The following ARHGAP15 variants were observed in gnomAD, a reference collection of about 807,000 sequenced individuals.
ARHGAP15 encodes the protein Rho GTPase activating protein 15.
Under a neutral mutation model 63.7 loss-of-function variants are expected in ARHGAP15, and 51 were observed. The observed-to-expected ratio is 0.80, with a 90% CI of 0.64 to 1.01. The LOEUF (loss-of-function observed/expected upper bound fraction) is 1.01, where lower values mean the gene tolerates loss of function less well. Ranked by LOEUF, ARHGAP15 falls within the 50% of genes least tolerant of loss-of-function variation. ARHGAP15 has a pLI of 0.00. For missense variants in ARHGAP15, 560 were observed against 564.6 expected (o/e 0.99, Z 0.08); for synonymous variants, 191 against 193.8 (o/e 0.99, Z 0.12).
chr2:143,278,023 A>AT (rs1681649097), intron 6 of ARHGAP15, among the ~76,000 whole-genome samples: 1 of 152,142 alleles, frequency 6.6e-6, no homozygotes, highest in African/African-American at 2.4e-5. Flanking sequence ...TTACATTTAT[A>AT]TTTTTTAAAA....
chr2:143,190,721 G>T (rs1334778008), intron 2 of ARHGAP15, among the ~76,000 whole-genome samples: 1 of 152,180 alleles, frequency 6.6e-6, no homozygotes, highest in East Asian at 1.9e-4. Flanking sequence ...ATGGTACCAG[G>T]CACTACCAAG....
intron 6 of ARHGAP15, among the ~76,000 whole-genome samples, chr2:143,333,786 A>G (rs887273741): frequency 6.6e-6 from 1 of 152,188 alleles, no homozygotes; most frequent in Non-Finnish European, 1.5e-5. Context: ...AAATATAGAT[A>G]TAGAAGAAAC....
At chr2:143,165,644 T>A (rs1186447062) in intron 2 of ARHGAP15, among the ~76,000 whole-genome samples, 2 of 152,044 alleles carry the variant, frequency 1.3e-5, no homozygotes, top group Non-Finnish European at 2.9e-5. Context: ...TAATCAGCAG[T>A]GAAAGGTTAA....
intron 12 of ARHGAP15, chr2:143,641,030 C>T: frequency 6.6e-6 from 1 of 152,164 alleles, no homozygotes; most frequent in East Asian, 1.9e-4. Flanking sequence ...CAACCATCAT[C>T]ATGAAGTTTG....
intron 6 of ARHGAP15, among the ~76,000 whole-genome samples, chr2:143,342,158 T>C (rs549322902): frequency 1.3e-5 from 2 of 152,174 alleles, no homozygotes; most frequent in Admixed American, 1.3e-4. Context: ...GATAGAAAAT[T>C]ATGATGATTT....
intron 1 of ARHGAP15, among the ~76,000 whole-genome samples, chr2:143,144,988 A>G (rs2104994127): frequency 6.6e-6 from 1 of 152,186 alleles, no homozygotes; most frequent in South Asian, 2.1e-4. Context: ...CAAATATGCA[A>G]TTTCTCAGCC....
intron 12 of ARHGAP15, chr2:143,648,750 C>G (rs1191648289): frequency 6.6e-6 from 1 of 151,948 alleles, no homozygotes; most frequent in Non-Finnish European, 1.5e-5. Context: ...TCACCACGCC[C>G]TGTAGTCACA....
intron 6 of ARHGAP15, among the ~76,000 whole-genome samples, chr2:143,379,605 C>T (rs1044267605): frequency 6.6e-6 from 1 of 150,738 alleles, no homozygotes; most frequent in African/African-American, 2.4e-5. Flanking sequence ...GAAAAAGAAT[C>T]TGAAGTTTCT....
At chr2:143,450,088 G>A (rs1317507791) in intron 8 of ARHGAP15, among the ~76,000 whole-genome samples, 1 of 138,528 alleles carries the variant, frequency 7.2e-6, no homozygotes, top group Non-Finnish European at 1.5e-5. Flanking sequence ...TGTTATTGAG[G>A]TTTCATAATT....
chr2:143,614,968 T>G (rs1334003406), intron 11 of ARHGAP15, among the ~76,000 whole-genome samples: 1 of 152,236 alleles, frequency 6.6e-6, no homozygotes, highest in Non-Finnish European at 1.5e-5. Context: ...AACAAGAAGT[T>G]GTTGCACAGG....
intron 2 of ARHGAP15, among the ~76,000 whole-genome samples, chr2:143,163,173 CA>C (rs1223273542): frequency 2.0e-5 from 3 of 152,038 alleles, no homozygotes; most frequent in South Asian, 4.1e-4. Context: ...GCAAGTGAAG[CA>C]GAGAACTGAA....
intron 11 of ARHGAP15, chr2:143,572,008 C>T (rs1369652399): frequency 1.3e-5 from 2 of 152,254 alleles, no homozygotes; most frequent in African/African-American, 2.4e-5. Flanking sequence ...CTGCTTCTTC[C>T]ACTGTGTTCC....
At chr2:143,567,628 C>G (rs1207561391) in intron 11 of ARHGAP15, among the ~76,000 whole-genome samples, 1 of 152,170 alleles carries the variant, frequency 6.6e-6, no homozygotes, top group African/African-American at 2.4e-5. Flanking sequence ...CCAGCCTTGT[C>G]CTTTAGGCCA....
chr2:143,290,696 A>G lies in ARHGAP15; in HGVS notation c.474+40096A>G, dbSNP rs1285662439. Among the ~76,000 whole-genome samples the G allele has an allele frequency of 2.0e-5, 3 of 152,138 alleles. No homozygotes were observed. In the East Asian group the frequency reaches 5.8e-4, roughly 29 times the overall value. ...TTGACATACTCAGATAGTGTGTAATAATGGATACACAATGTAGGAGGAGGA... is the reference window on the plus strand; with the variant it reads ...TTGACATACTCAGATAGTGTGTAATGATGGATACACAATGTAGGAGGAGGA... On this transcript the variant is annotated intron_variant, in intron 6 of 13. Transcript: ENST00000295095.
At chr2:143,713,728 C>CA (rs1395620843) in intron 13 of ARHGAP15, among the ~76,000 whole-genome samples, 2 of 152,202 alleles carry the variant, frequency 1.3e-5, no homozygotes, top group East Asian at 3.9e-4. Context: ...AAAGGGGTTA[C>CA]AGGCCCCCAT....
At chr2:143,672,744 CT>C (rs1559118044) in intron 12 of ARHGAP15, among the ~76,000 whole-genome samples, 1 of 152,120 alleles carries the variant, frequency 6.6e-6, no homozygotes, top group African/African-American at 2.4e-5. Context: ...ACATTATTTG[CT>C]TTGCCGATGG....
chr2:143,164,811 A>C (rs1574034055), intron 2 of ARHGAP15, among the ~76,000 whole-genome samples: 1 of 151,776 alleles, frequency 6.6e-6, no homozygotes, highest in African/African-American at 2.4e-5. Context: ...AGTCACTGTT[A>C]TATCTGGTGC....
At chr2:143,418,675 T>C (rs952910202) in intron 6 of ARHGAP15, among the ~76,000 whole-genome samples, 5 of 152,084 alleles carry the variant, frequency 3.3e-5, no homozygotes, top group African/African-American at 1.2e-4. Context: ...AAGCTTACAA[T>C]GGAAAAATTA....
At chr2:143,239,666 A>C (rs1693782962) in intron 5 of ARHGAP15, among the ~76,000 whole-genome samples, 1 of 152,156 alleles carries the variant, frequency 6.6e-6, no homozygotes, top group Non-Finnish European at 1.5e-5. Context: ...CCTGGCCCAC[A>C]TATCGAGACC....
Sources: allele counts gnomAD v4.1 joint callset (sites outside exome capture counted in the v4.1 genomes callset), GRCh38; gene constraint gnomAD v4.1.1; transcripts MANE v1.5; gene names NCBI Gene and HGNC (gene_info 2026-07-23, HGNC 2026-07-21).